Variants in CLIC5 observed in about 807,000 individuals in gnomAD.
CLIC5 encodes chloride intracellular channel protein 5.
In CLIC5, 20 loss-of-function variants were observed where a neutral mutation model predicts 24.7. That is an observed-to-expected ratio of 0.81 (90% CI 0.57 to 1.18). The LOEUF (loss-of-function observed/expected upper bound fraction) is 1.18. Ranked by LOEUF, CLIC5 falls within the 50% of genes most tolerant of loss-of-function variation. The pLI is 0.00. For synonymous variants in CLIC5, 159 were observed against 135.6 expected, an observed-to-expected ratio of 1.17 and a Z score of -1.20; for missense variants, 341 against 326.1, an observed-to-expected ratio of 1.05 and a Z score of -0.35.
chr6:45,906,764 G>A (rs562527073), intron 5 of CLIC5, among the ~76,000 whole-genome samples: 44 of 152,046 alleles, frequency 2.9e-4, no homozygotes, highest in Non-Finnish European at 5.9e-4. Context: ...GTTTCTCCAT[G>A]TTGGTCAGGC....
At chr6:45,984,320 G>T (rs1047284626) in intron 1 of CLIC5, among the ~76,000 whole-genome samples, 3 of 152,132 alleles carry the variant, frequency 2.0e-5, no homozygotes, top group Admixed American at 2.0e-4. Context: ...CTTCAGGTCC[G>T]CAATGCCAGT....
chr6:45,945,050 T>A (rs1764246796), intron 3 of CLIC5, among the ~76,000 whole-genome samples: 1 of 152,196 alleles, frequency 6.6e-6, no homozygotes, highest in Non-Finnish European at 1.5e-5. Flanking sequence ...AGGCCTGGCT[T>A]ATTCATTAAA....
At chr6:46,100,704 G>A in the CLIC5 span, among the ~76,000 whole-genome samples, 9 of 152,114 alleles carry the variant, frequency 5.9e-5, no homozygotes, top group Non-Finnish European at 1.3e-4. Context: ...AAGAAATTAA[G>A]GCAATATGAA....
intron 4 of CLIC5, among the ~76,000 whole-genome samples, chr6:45,927,267 C>G (rs1475629532): frequency 6.6e-6 from 1 of 152,164 alleles, no homozygotes; most frequent in Non-Finnish European, 1.5e-5. Context: ...ACCCAGCATG[C>G]TTCCTCACAG....
chr6:45,955,332 G>T, intron 1 of CLIC5, 88 bp from the exon 2 acceptor site: 1 of 892,728 alleles, frequency 1.1e-6, no homozygotes, highest in South Asian at 1.6e-5. Flanking sequence ...CAGGTCTGAG[G>T]AGACCTTACT....
At chr6:45,962,876 T>C (rs575562005) in intron 1 of CLIC5, among the ~76,000 whole-genome samples, 49 of 152,350 alleles carry the variant, frequency 3.2e-4, no homozygotes, top group African/African-American at 1.1e-3. Flanking sequence ...ACTGTGTTCA[T>C]GGCCCATTGG....
chr6:46,097,006 A>ATAG, the CLIC5 span: 1 of 152,258 alleles, frequency 6.6e-6, no homozygotes, highest in Non-Finnish European at 1.5e-5. Context: ...TTTAGGTTAC[A>ATAG]TAGGTCTATG....
intron 2 of CLIC5, among the ~76,000 whole-genome samples, chr6:45,951,544 G>C (rs3777586): frequency 0.053 from 8,005 of 152,210 alleles, 560 homozygotes; most frequent in African/African-American, 0.16. Flanking sequence ...GTCTGCGCCA[G>C]CTGGTCAGAA....
At chr6:45,998,936 G>A (rs1373621711) in intron 1 of CLIC5, among the ~76,000 whole-genome samples, 3 of 152,102 alleles carry the variant, frequency 2.0e-5, no homozygotes, top group Admixed American at 6.5e-5. Context: ...GGCATAACTG[G>A]GTAGCTGCAA....
intron 1 of CLIC5, among the ~76,000 whole-genome samples, chr6:45,982,804 G>A (rs78279162): frequency 0.023 from 3,512 of 152,222 alleles, 139 homozygotes; most frequent in African/African-American, 0.081. Flanking sequence ...ATAGATGAGT[G>A]GTTTTAATAA....
the CLIC5 span, among the ~76,000 whole-genome samples, chr6:46,113,520 G>T: frequency 3.2e-4 from 49 of 152,276 alleles, 1 homozygote; most frequent in Admixed American, 2.5e-3. Flanking sequence ...CTGTCAGTAG[G>T]CAGGTAAGTG....
At chr6:45,953,867 G>A (rs931847626) in intron 2 of CLIC5, among the ~76,000 whole-genome samples, 1 of 152,136 alleles carries the variant, frequency 6.6e-6, no homozygotes, top group Non-Finnish European at 1.5e-5. Context: ...CTTTGAGAAT[G>A]AAAAAGAGAG....
At chr6:46,128,009 G>C in the CLIC5 span, among the ~76,000 whole-genome samples, 3 of 152,172 alleles carry the variant, frequency 2.0e-5, no homozygotes, top group Non-Finnish European at 4.4e-5. Flanking sequence ...AAATCGTTGA[G>C]TTGCTAACTC....
intron 1 of CLIC5, among the ~76,000 whole-genome samples, chr6:46,027,222 G>T (rs1767359297): frequency 6.6e-6 from 1 of 152,310 alleles, no homozygotes; most frequent in Admixed American, 6.5e-5. Context: ...CACAGTGAAG[G>T]GGGTGAGGAA....
chr6:45,932,090 T>C (rs977919621), intron 4 of CLIC5, among the ~76,000 whole-genome samples: 2 of 152,210 alleles, frequency 1.3e-5, no homozygotes, highest in African/African-American at 4.8e-5. Context: ...CAGTCCATTC[T>C]ACAGATTTAA....
chr6:45,908,754 A>G (rs922228723), intron 5 of CLIC5, among the ~76,000 whole-genome samples: 29 of 152,258 alleles, frequency 1.9e-4, no homozygotes, highest in African/African-American at 6.0e-4. Flanking sequence ...TCTATGGTCA[A>G]TGGGTGGAGT....
the CLIC5 span, among the ~76,000 whole-genome samples, chr6:46,121,605 A>C: frequency 6.6e-5 from 10 of 151,314 alleles, no homozygotes; most frequent in Non-Finnish European, 1.3e-4. Flanking sequence ...TGTAAATGGA[A>C]TAAATGCTCC....
the CLIC5 span, among the ~76,000 whole-genome samples, chr6:46,127,154 G>A: frequency 6.6e-6 from 1 of 152,082 alleles, no homozygotes; most frequent in Non-Finnish European, 1.5e-5. Context: ...TTTGTTACAT[G>A]CATTGAACGT....
At chr6:45,997,544 C>T (rs1766194898) in intron 1 of CLIC5, among the ~76,000 whole-genome samples, 1 of 151,564 alleles carries the variant, frequency 6.6e-6, no homozygotes, top group South Asian at 2.1e-4. Flanking sequence ...CAGTTCTTGG[C>T]TTCTGCCTTG....
Sources: gnomAD v4.1 joint callset for allele counts (sites outside exome capture counted in the v4.1 genomes callset) on GRCh38, gnomAD v4.1.1 for gene constraint, MANE v1.5 for transcripts, NCBI Gene and HGNC (gene_info 2026-07-23, HGNC 2026-07-21) for gene names.